Variants in SEMA6D observed in about 807,000 individuals in gnomAD.
SEMA6D encodes the protein semaphorin-6D.
SEMA6D carries 35 observed loss-of-function variants against 106.6 expected under a neutral mutation model. The observed-to-expected ratio is 0.33, with a 90% confidence interval of 0.25 to 0.44. The LOEUF (loss-of-function observed/expected upper bound fraction) is 0.44, where lower values mean the gene tolerates loss of function less well. Ranked by LOEUF, SEMA6D falls within the 20% of genes least tolerant of loss-of-function variation. The probability of loss-of-function intolerance (pLI) is 1.00; values close to 1 mark genes in which losing one functional copy is unlikely to be tolerated. For synonymous variants in SEMA6D, 499 were observed against 487.7 expected, an observed-to-expected ratio of 1.02 and a Z score of -0.31; for missense variants, 1,185 against 1,345.9, an observed-to-expected ratio of 0.88 and a Z score of 1.87.
intron 3 of SEMA6D, among the ~76,000 whole-genome samples, chr15:47,525,878 AAAAAC>A (rs1419668692): frequency 2.0e-5 from 3 of 152,182 alleles, no homozygotes; most frequent in African/African-American, 4.8e-5. Flanking sequence ...GACAAAAAAC[AAAAAC>A]AAAACAAAAC....
chr15:47,524,630 G>A lies in SEMA6D; in HGVS notation c.-87+54085G>A, dbSNP rs916075555. 1.3e-4 allele frequency among the ~76,000 whole-genome samples: 20 copies of A among 152,052 alleles called. 1 individual carries two copies. Among genetic ancestry groups the A allele is most frequent in the Non-Finnish European group, 2.6e-4 (18 of 68,014 alleles). ...TCAGACCCAAAAGATTCGGAGGTGT[G>A]ATCTCGTTAGAGGGAGACAGAACTA... On this transcript the variant is annotated intron_variant, in intron 3 of 19. Coordinates refer to the SEMA6D transcript ENST00000558014.
chr15:47,693,498 C>T (rs1398715525), intron 4 of SEMA6D, among the ~76,000 whole-genome samples: 1 of 152,136 alleles, frequency 6.6e-6, no homozygotes, highest in Admixed American at 6.5e-5. Flanking sequence ...TCACCTATCA[C>T]CCTCCATTCC....
At chr15:47,248,865 A>G (rs1025305633) in intron 1 of SEMA6D, among the ~76,000 whole-genome samples, 2 of 152,194 alleles carry the variant, frequency 1.3e-5, no homozygotes, top group Non-Finnish European at 2.9e-5. Flanking sequence ...CCTCAGTGGC[A>G]TTACCAAAGT....
At chr15:47,382,056 GAAAT>G (rs967458853) in intron 1 of SEMA6D, among the ~76,000 whole-genome samples, 24 of 152,114 alleles carry the variant, frequency 1.6e-4, no homozygotes, top group African/African-American at 5.6e-4. Flanking sequence ...ACCATTTGAT[GAAAT>G]AAATAAAGAT....
chr15:47,764,409 G>C, intron 11 of SEMA6D, 104 bp downstream of exon 11: 1 of 1,399,234 alleles, frequency 7.1e-7, no homozygotes, highest in Non-Finnish European at 9.7e-7. Context: ...ACACCAGGAA[G>C]GGGTCCCTCT....
chr15:47,418,303 C>A (rs904072316), intron 2 of SEMA6D, among the ~76,000 whole-genome samples: 3 of 152,126 alleles, frequency 2.0e-5, no homozygotes, highest in Non-Finnish European at 4.4e-5. Context: ...TGAATCATTA[C>A]AAGGATCACT....
At chr15:47,376,154 G>T (rs954789172) in intron 1 of SEMA6D, among the ~76,000 whole-genome samples, 19 of 152,198 alleles carry the variant, frequency 1.2e-4, no homozygotes, top group African/African-American at 4.6e-4. Context: ...GTTATTTCCA[G>T]GGACAAGCAC....
intron 3 of SEMA6D, among the ~76,000 whole-genome samples, chr15:47,496,724 C>A (rs562863287): frequency 6.6e-6 from 1 of 151,868 alleles, no homozygotes; most frequent in Non-Finnish European, 1.5e-5. Flanking sequence ...TTTCTGATTT[C>A]TTGTTTGCCT....
chr15:47,606,928 GGA>G (rs2076793903), intron 4 of SEMA6D, among the ~76,000 whole-genome samples: 1 of 152,074 alleles, frequency 6.6e-6, no homozygotes, highest in Non-Finnish European at 1.5e-5. Flanking sequence ...CCAAACCACA[GGA>G]CCTGGGCTGC....
intron 2 of SEMA6D, 69 bp from the exon 3 acceptor site, chr15:47,760,235 A>G: frequency 9.3e-7 from 1 of 1,076,508 alleles, no homozygotes; most frequent in South Asian, 1.3e-5. Context: ...TATACAGCTA[A>G]TCAATGCTGT....
intron 1 of SEMA6D, among the ~76,000 whole-genome samples, chr15:47,260,942 T>A (rs890410027): frequency 2.6e-5 from 4 of 152,126 alleles, no homozygotes; most frequent in African/African-American, 9.7e-5. Context: ...AGGCTTTTTC[T>A]GTTGGGAGGA....
At chr15:47,540,050 G>GTA (rs1380546619) in intron 3 of SEMA6D, among the ~76,000 whole-genome samples, 2 of 151,904 alleles carry the variant, frequency 1.3e-5, no homozygotes, top group Admixed American at 6.6e-5. Flanking sequence ...TTAGCTGTGT[G>GTA]TGTGTGTGTG....
Position 47,273,601 on chromosome 15 carries a change from T to A in SEMA6D, c.-239+89183T>A, listed in dbSNP as rs1054829801. 2.6e-5 allele frequency among the ~76,000 whole-genome samples: 4 copies of A among 152,272 alleles called. No homozygotes were observed. The South Asian group carries it at 8.3e-4, about 32-fold the overall frequency. On this transcript the variant is annotated intron_variant, in intron 1 of 19. Transcript: ENST00000558014. ...ATTCTATCCTTAGCCGGAAAATATG[T>A]TAGTCCCCACATCAAATAATAAGCC...
intron 3 of SEMA6D, among the ~76,000 whole-genome samples, chr15:47,494,648 A>G (rs1414746954): frequency 4.7e-5 from 7 of 149,076 alleles, no homozygotes; most frequent in Non-Finnish European, 8.9e-5. Context: ...ATTTGGCAGC[A>G]TATTTTATTA....
At chr15:47,333,927 T>C (rs1379113586) in intron 1 of SEMA6D, among the ~76,000 whole-genome samples, 1 of 152,210 alleles carries the variant, frequency 6.6e-6, no homozygotes, top group Non-Finnish European at 1.5e-5. Flanking sequence ...GGCAATCTAA[T>C]CTGATTGTGG....
chr15:47,564,177 T>C (rs545748807), intron 3 of SEMA6D, among the ~76,000 whole-genome samples: 147 of 152,332 alleles, frequency 9.6e-4, no homozygotes, highest in Non-Finnish European at 1.7e-3. Context: ...CAAGCTCCTC[T>C]GAAAGATATT....
intron 1 of SEMA6D, among the ~76,000 whole-genome samples, chr15:47,394,322 A>C (rs1567048789): frequency 6.6e-6 from 1 of 152,246 alleles, no homozygotes; most frequent in African/African-American, 2.4e-5. Flanking sequence ...AAAGAAAAGA[A>C]AAAGAAAAGA....
chr15:47,341,089 C>A (rs2144480740), intron 1 of SEMA6D, among the ~76,000 whole-genome samples: 1 of 152,052 alleles, frequency 6.6e-6, no homozygotes, highest in East Asian at 1.9e-4. Flanking sequence ...TTTAACAATA[C>A]CAAAGGATCA....
intron 7 of SEMA6D, among the ~76,000 whole-genome samples, 165 bp downstream of exon 7, chr15:47,761,916 C>A (rs923481929): frequency 6.6e-6 from 1 of 152,060 alleles, no homozygotes; most frequent in African/African-American, 2.4e-5. Flanking sequence ...AAATTAAGGG[C>A]AAGGATATTT....
Sources: gnomAD v4.1 joint callset for allele counts (sites outside exome capture counted in the v4.1 genomes callset) on GRCh38, gnomAD v4.1.1 for gene constraint, MANE v1.5 for transcripts, NCBI Gene and HGNC (gene_info 2026-07-23, HGNC 2026-07-21) for gene names.